The following RALGPS1 variants were observed in gnomAD, a reference collection of about 807,000 sequenced individuals.
RALGPS1 encodes ras-specific guanine nucleotide-releasing factor RalGPS1.
A neutral mutation model predicts 78.8 loss-of-function variants in RALGPS1; 19 were observed. The ratio of observed to expected loss-of-function variants is 0.24; its 90% CI spans 0.17 to 0.35. RALGPS1 has a LOEUF of 0.35. Among genes scored for constraint, RALGPS1 ranks in the 10% least tolerant of loss-of-function variants. The probability of loss-of-function intolerance (pLI) is 1.00; values close to 1 mark genes in which losing one functional copy is unlikely to be tolerated. For synonymous variants in RALGPS1, 228 were observed against 256.3 expected, an observed-to-expected ratio of 0.89 and a Z score of 1.06; for missense variants, 454 against 688.3, an observed-to-expected ratio of 0.66 and a Z score of 3.81.
At chr9:126,959,682 G>C (rs564558372) in intron 1 of RALGPS1, among the ~76,000 whole-genome samples, 3 of 151,058 alleles carry the variant, frequency 2.0e-5, no homozygotes, top group African/African-American at 7.3e-5. Flanking sequence ...ATACCCTCTT[G>C]ACTAGATTCA....
At chr9:126,972,812 C>A (rs1025351926) in intron 3 of RALGPS1, among the ~76,000 whole-genome samples, 1 of 152,086 alleles carries the variant, frequency 6.6e-6, no homozygotes, top group Non-Finnish European at 1.5e-5. Context: ...ACCTGTAATC[C>A]CAACACTTTG....
chr9:127,023,058 C>T (rs1589071562), intron 4 of RALGPS1, among the ~76,000 whole-genome samples: 1 of 152,034 alleles, frequency 6.6e-6, no homozygotes, highest in Non-Finnish European at 1.5e-5. Context: ...CTCTTCCTTC[C>T]TCCTTTATGG....
chr9:126,955,285 G>T (rs560148844), intron 1 of RALGPS1, among the ~76,000 whole-genome samples: 1 of 152,218 alleles, frequency 6.6e-6, no homozygotes, highest in Non-Finnish European at 1.5e-5. Flanking sequence ...GCCTGGGACA[G>T]AGGTTCTTGA....
intron 8 of RALGPS1, among the ~76,000 whole-genome samples, chr9:127,117,312 TA>T: frequency 6.6e-6 from 1 of 152,330 alleles, no homozygotes; most frequent in East Asian, 1.9e-4. Flanking sequence ...ACAGCTTCTT[TA>T]AAAAGCAGGG....
intron 4 of RALGPS1, chr9:126,990,056 TC>T: frequency 1.3e-6 from 2 of 1,539,696 alleles, no homozygotes; most frequent in South Asian, 2.4e-5. Context: ...AAGCGGGCGT[TC>T]CAGAAAGCCG....
At chr9:127,111,968 A>T (rs2054859780) in intron 8 of RALGPS1, among the ~76,000 whole-genome samples, 1 of 152,242 alleles carries the variant, frequency 6.6e-6, no homozygotes, top group Non-Finnish European at 1.5e-5. Flanking sequence ...ATGACACAGG[A>T]CCTAAAGATT....
intron 14 of RALGPS1, among the ~76,000 whole-genome samples, chr9:127,206,669 A>T (rs1309852606): frequency 6.6e-6 from 1 of 152,086 alleles, no homozygotes; most frequent in Non-Finnish European, 1.5e-5. Context: ...TCCTACTTCT[A>T]CTAAGACCAA....
chr9:127,144,058 G>A (rs1174157205), intron 8 of RALGPS1, among the ~76,000 whole-genome samples: 2 of 152,208 alleles, frequency 1.3e-5, no homozygotes, highest in African/African-American at 2.4e-5. Context: ...AGTCATCTCC[G>A]TTGTTGGTGC....
intron 8 of RALGPS1, among the ~76,000 whole-genome samples, chr9:127,146,911 G>T (rs571876216): frequency 6.6e-6 from 1 of 152,190 alleles, no homozygotes; most frequent in African/African-American, 2.4e-5. Flanking sequence ...GGGATTGCAG[G>T]GTTGAATAGT....
At chr9:127,103,424 A>T (rs1215371619) in intron 8 of RALGPS1, among the ~76,000 whole-genome samples, 1 of 152,226 alleles carries the variant, frequency 6.6e-6, no homozygotes, top group African/African-American at 2.4e-5. Flanking sequence ...ACATTTATAC[A>T]GTCAGGGCTA....
intron 8 of RALGPS1, among the ~76,000 whole-genome samples, chr9:127,093,355 G>A (rs1425929503): frequency 6.6e-6 from 1 of 152,120 alleles, no homozygotes; most frequent in Admixed American, 6.5e-5. Flanking sequence ...TGCGCCTTCT[G>A]GGCTTTGAGA....
At chr9:127,047,318 TAGA>T (rs2047889459) in intron 5 of RALGPS1, among the ~76,000 whole-genome samples, 1 of 152,236 alleles carries the variant, frequency 6.6e-6, no homozygotes, top group African/African-American at 2.4e-5. Flanking sequence ...CTAAAAATTG[TAGA>T]AGAATATTCA....
At chr9:127,013,587 T>C (rs1026852752) in intron 4 of RALGPS1, among the ~76,000 whole-genome samples, 1 of 152,020 alleles carries the variant, frequency 6.6e-6, no homozygotes, top group Non-Finnish European at 1.5e-5. Flanking sequence ...TTGGCACTTA[T>C]CTCCCAGCGG....
intron 11 of RALGPS1, among the ~76,000 whole-genome samples, chr9:127,189,437 T>C (rs1055982674): frequency 2.6e-5 from 4 of 152,176 alleles, no homozygotes; most frequent in African/African-American, 7.2e-5. Context: ...GTCTGCTCCA[T>C]GCACCCACAA....
intron 2 of RALGPS1, among the ~76,000 whole-genome samples, chr9:126,964,046 A>T (rs1420045098): frequency 1.3e-5 from 2 of 152,138 alleles, no homozygotes; most frequent in Non-Finnish European, 1.5e-5. Flanking sequence ...ATGTCCTGTC[A>T]CTGTGGAACT....
intron 8 of RALGPS1, among the ~76,000 whole-genome samples, chr9:127,120,163 T>C (rs1387901335): frequency 6.6e-6 from 1 of 152,210 alleles, no homozygotes; most frequent in Non-Finnish European, 1.5e-5. Context: ...AACCTGACTA[T>C]GGATCCTCCT....
At chr9:127,164,434 C>T (rs1356014334) in intron 8 of RALGPS1, among the ~76,000 whole-genome samples, 9 of 151,732 alleles carry the variant, frequency 5.9e-5, no homozygotes, top group Non-Finnish European at 1.0e-4. Flanking sequence ...TGGCTTTCAC[C>T]GTGTTAGCCG....
intron 8 of RALGPS1, chr9:127,093,969 A>G (rs757483552): frequency 1.9e-6 from 3 of 1,584,230 alleles, no homozygotes; most frequent in East Asian, 4.5e-5. Context: ...CCTGCCTGTC[A>G]CCAGGCCGCA....
chr9:127,028,484 G>A (rs1473009941), intron 4 of RALGPS1, among the ~76,000 whole-genome samples: 2 of 152,328 alleles, frequency 1.3e-5, no homozygotes, highest in East Asian at 1.9e-4. Context: ...CTGGCACAAC[G>A]TAGGTGCTCA....
Sources: gnomAD v4.1 joint callset for allele counts (sites outside exome capture counted in the v4.1 genomes callset) on GRCh38, gnomAD v4.1.1 for gene constraint, MANE v1.5 for transcripts, NCBI Gene and HGNC (gene_info 2026-07-23, HGNC 2026-07-21) for gene names.